GPATCH2: variants seen among roughly 807,000 people sequenced by gnomAD.
GPATCH2 encodes G patch domain-containing protein 2.
A neutral mutation model predicts 58.0 loss-of-function variants in GPATCH2; 51 were observed. The observed-to-expected ratio is 0.88, with a 90% CI of 0.70 to 1.11. The LOEUF (loss-of-function observed/expected upper bound fraction) is 1.11, where lower values mean the gene tolerates loss of function less well. Ranked by LOEUF, GPATCH2 falls within the 50% of genes most tolerant of loss-of-function variation. The probability of loss-of-function intolerance (pLI) is 0.00; values close to 1 mark genes in which losing one functional copy is unlikely to be tolerated. For synonymous variants in GPATCH2, 222 were observed against 218.5 expected (o/e 1.02, Z -0.14); for missense variants, 625 against 652.2 (o/e 0.96, Z 0.45).
chr1:217,554,866 T>C (rs1355475221), intron 5 of GPATCH2, among the ~76,000 whole-genome samples: 3 of 152,248 alleles, frequency 2.0e-5, no homozygotes, highest in East Asian at 3.8e-4. Context: ...ATTTTATTTT[T>C]ATAAAGGTAC....
At chr1:217,509,933 G>C (rs1308203018) in intron 6 of GPATCH2, among the ~76,000 whole-genome samples, 1 of 152,098 alleles carries the variant, frequency 6.6e-6, no homozygotes, top group African/African-American at 2.4e-5. Context: ...ATGCTGATAC[G>C]AATTTGAGGG....
In GPATCH2 at chr1:217,454,396, T is replaced by C. The variant is rs28680883; in HGVS notation, c.1278-5059A>G. ...CGAGGTCTGGAAATCGAGACCATCCTGGCTAACACGGTGAAACCCCGTTTC... is the reference window on the plus strand; with the variant it reads ...CGAGGTCTGGAAATCGAGACCATCCCGGCTAACACGGTGAAACCCCGTTTC... On this transcript the variant is annotated intron_variant, in intron 8 of 9. Transcript: ENST00000366935. 5.3e-3 allele frequency among the ~76,000 whole-genome samples: 811 copies of C among 152,006 alleles called. 8 individuals are homozygous for C. Among genetic ancestry groups the C allele is most frequent in the African/African-American group, 0.018 (766 of 41,474 alleles).
intron 1 of GPATCH2, among the ~76,000 whole-genome samples, chr1:217,626,174 C>T (rs1450352247): frequency 6.6e-6 from 1 of 152,098 alleles, no homozygotes; most frequent in African/African-American, 2.4e-5. Context: ...AAGTAAGTTA[C>T]CTGGTGTTAA....
chr1:217,582,833 AT>A (rs1667136744), intron 5 of GPATCH2, among the ~76,000 whole-genome samples: 1 of 152,220 alleles, frequency 6.6e-6, no homozygotes, highest in African/African-American at 2.4e-5. Flanking sequence ...CCTATTTAAC[AT>A]TTGACAATAA....
chr1:217,553,337 C>G (rs955010760), intron 5 of GPATCH2, among the ~76,000 whole-genome samples: 3 of 151,970 alleles, frequency 2.0e-5, no homozygotes, highest in African/African-American at 7.2e-5. Context: ...TCAACAGACT[C>G]TATTCTGCAC....
At chr1:217,581,111 A>G (rs1667061847) in intron 5 of GPATCH2, among the ~76,000 whole-genome samples, 2 of 152,004 alleles carry the variant, frequency 1.3e-5, no homozygotes, top group South Asian at 2.1e-4. Context: ...CACTCCCACC[A>G]GCCCCAAGAT....
chr1:217,443,120 C>T (rs1001502491), intron 9 of GPATCH2, among the ~76,000 whole-genome samples: 57 of 152,168 alleles, frequency 3.7e-4, no homozygotes, highest in Non-Finnish European at 1.3e-4. Context: ...TACTTTTATA[C>T]AGTCAATATT....
chr1:217,627,152 G>A (rs780710477), intron 1 of GPATCH2, among the ~76,000 whole-genome samples: 1 of 152,020 alleles, frequency 6.6e-6, no homozygotes, highest in Non-Finnish European at 1.5e-5. Flanking sequence ...TTTCTACCTT[G>A]AAAAGATTTT....
chr1:217,436,071 A>G (rs1459626661), intron 9 of GPATCH2, among the ~76,000 whole-genome samples: 1 of 152,238 alleles, frequency 6.6e-6, no homozygotes, highest in East Asian at 1.9e-4. Context: ...AGAATAAAAG[A>G]CATGATCTGT....
chr1:217,520,980 GACTACAGGTGTGTACC>G (rs1369705642), intron 5 of GPATCH2, among the ~76,000 whole-genome samples: 1 of 152,144 alleles, frequency 6.6e-6, no homozygotes, highest in East Asian at 1.9e-4. Context: ...GAGCAGCTAG[GACTACAGGTGTGTACC>G]ACCATGCCCA....
In GPATCH2 at chr1:217,427,889, G is replaced by A. The variant is rs141484881; in HGVS notation, c.*3256C>T. On this transcript the variant is annotated 3_prime_UTR_variant, in exon 10 of 10. Transcript: ENST00000366935. ...ACAGGCATTATAAATACACCTATAG[G>A]TACACATTATGTATATCTTTACCCC... The A allele has an allele frequency of 6.7e-4, 102 of 152,152 alleles. No individual in the cohort carries two copies. The East Asian group carries it at 0.019, about 28-fold the overall frequency. 9.4% of individuals were successfully genotyped at this position (152,152 alleles called of 1,614,324 possible).
intron 5 of GPATCH2, among the ~76,000 whole-genome samples, chr1:217,531,995 C>T (rs1664214534): frequency 6.6e-6 from 1 of 152,140 alleles, no homozygotes; most frequent in African/African-American, 2.4e-5. Context: ...TTAAACCACA[C>T]CATGGAATCT....
At chr1:217,475,965 A>G (rs1660949229) in intron 8 of GPATCH2, among the ~76,000 whole-genome samples, 1 of 152,142 alleles carries the variant, frequency 6.6e-6, no homozygotes, top group Non-Finnish European at 1.5e-5. Context: ...CAGGTCCAGA[A>G]AGCAAACAGT....
intron 8 of GPATCH2, among the ~76,000 whole-genome samples, chr1:217,464,809 C>T (rs1160019768): frequency 6.6e-6 from 1 of 152,120 alleles, no homozygotes; most frequent in African/African-American, 2.4e-5. Context: ...CTCATGTCTC[C>T]TTCTTAAAAG....
chr1:217,433,370 ATATATATATATATATTTATTT>A (rs1658638874), intron 9 of GPATCH2, among the ~76,000 whole-genome samples: 1 of 81,794 alleles, frequency 1.2e-5, no homozygotes. Flanking sequence ...TCATATATAT[ATATATATATATATATTTATTT>A]ATTTATTTAT....
At chr1:217,457,653 G>T (rs1331760257) in intron 8 of GPATCH2, among the ~76,000 whole-genome samples, 2 of 152,076 alleles carry the variant, frequency 1.3e-5, no homozygotes, top group Non-Finnish European at 2.9e-5. Flanking sequence ...CATTACATCT[G>T]AAAATTGCCA....
chr1:217,552,671 G>A (rs1181710191), intron 5 of GPATCH2, among the ~76,000 whole-genome samples: 1 of 152,082 alleles, frequency 6.6e-6, no homozygotes, highest in Non-Finnish European at 1.5e-5. Flanking sequence ...AAAAAACAGT[G>A]TTCTTGTCAT....
intron 8 of GPATCH2, among the ~76,000 whole-genome samples, chr1:217,451,627 C>T (rs1033375819): frequency 2.0e-5 from 3 of 152,202 alleles, no homozygotes; most frequent in African/African-American, 7.2e-5. Context: ...AAAAAGTATC[C>T]TTTCACATAT....
chr1:217,544,827 T>G (rs1368394862), intron 5 of GPATCH2, among the ~76,000 whole-genome samples: 4 of 152,254 alleles, frequency 2.6e-5, no homozygotes, highest in African/African-American at 7.2e-5. Context: ...TACTTTTTCA[T>G]TTCCTGCCCT....
Sources: gnomAD v4.1 joint callset for allele counts (sites outside exome capture counted in the v4.1 genomes callset) on GRCh38, gnomAD v4.1.1 for gene constraint, MANE v1.5 for transcripts, NCBI Gene and HGNC (gene_info 2026-07-23, HGNC 2026-07-21) for gene names.